Variants in MBTPS1 observed in about 807,000 individuals in gnomAD.
MBTPS1 encodes membrane bound transcription factor peptidase, site 1, also known as membrane-bound transcription factor site-1 protease.
A neutral mutation model predicts 127.8 loss-of-function variants in MBTPS1; 94 were observed. The observed-to-expected ratio is 0.74, with a 90% CI of 0.62 to 0.87. The LOEUF (loss-of-function observed/expected upper bound fraction) is 0.87. Among genes scored for constraint, MBTPS1 ranks in the 40% least tolerant of loss-of-function variants. The probability of loss-of-function intolerance (pLI) is 0.00; values close to 1 mark genes in which losing one functional copy is unlikely to be tolerated. For missense variants in MBTPS1, 1,636 were observed against 1,353.2 expected (o/e 1.21, Z -3.28); for synonymous variants, 632 against 509.4 (o/e 1.24, Z -3.24).
intron 4 of MBTPS1, among the ~76,000 whole-genome samples, chr16:84,094,278 G>A (rs1312296325): frequency 6.6e-6 from 1 of 152,056 alleles, no homozygotes; most frequent in Non-Finnish European, 1.5e-5. Context: ...AATGGGAAAA[G>A]GGGGAACCAT....
chr16:84,061,405 T>A (rs542564031), intron 19 of MBTPS1: 1 of 152,512 alleles, frequency 6.6e-6, no homozygotes, highest in African/African-American at 2.4e-5. Context: ...CACACTCAGC[T>A]CCTCATGGAT....
intron 15 of MBTPS1, among the ~76,000 whole-genome samples, 200 bp from the exon 16 acceptor site, chr16:84,068,023 A>G (rs1230871714): frequency 2.0e-5 from 3 of 152,250 alleles, no homozygotes; most frequent in Non-Finnish European, 4.4e-5. Flanking sequence ...CTGTGATCTG[A>G]TTTCACTTGT....
At chr16:84,111,433 C>T (rs1245515874) in intron 1 of MBTPS1, among the ~76,000 whole-genome samples, 6 of 151,826 alleles carry the variant, frequency 4.0e-5, no homozygotes, top group South Asian at 2.1e-4. Flanking sequence ...CCTAGCTACC[C>T]GGAAGGCTGA....
intron 1 of MBTPS1, among the ~76,000 whole-genome samples, chr16:84,113,300 T>A (rs962311483): frequency 1.3e-5 from 2 of 152,238 alleles, no homozygotes; most frequent in Non-Finnish European, 2.9e-5. Context: ...AAATTCTTTA[T>A]GCAGAAGACC....
At position 84,060,681 on chromosome 16, in the gene MBTPS1, C is replaced by A; in HGVS notation, c.2704+1G>T. 2.5e-6 allele frequency: 4 copies of A among 1,613,282 alleles called. No individual in the cohort carries two copies. Among genetic ancestry groups the A allele is most frequent in the Non-Finnish European group, 3.4e-6 (4 of 1,179,382 alleles). On this transcript the variant is annotated splice_donor_variant, in intron 20 of 22. Coordinates refer to ENST00000343411, the MANE Select transcript of MBTPS1 (RefSeq NM_003791.4). LOFTEE classifies it high-confidence loss of function. ...CCAAGGCATCCTGCCCATCCACTCA[C>A]CTTCCATCCTCTCTGGAGTGACTGA...
At chr16:84,058,932 A>G (rs1256102550) in intron 21 of MBTPS1, among the ~76,000 whole-genome samples, 1 of 152,096 alleles carries the variant, frequency 6.6e-6, no homozygotes, top group Non-Finnish European at 1.5e-5. Flanking sequence ...AGAAGAAGGG[A>G]ACTATCTGTA....
Position 84,067,759 on chromosome 16 carries a change from C to T in MBTPS1, c.2136G>A (p.Arg712=). 6.2e-7 allele frequency: 1 copy of T among 1,614,046 alleles called. No individual in the cohort carries two copies. The highest frequency in any genetic ancestry group is 8.5e-7 in the Non-Finnish European group (1 of 1,179,910). ...CGAGCGAGAGGCCGTTGTCCACGTC[C>T]CTCCGGAGCTTGGCGATCTCTTCAG... ...YFPEEIAKLR[R]DVDNGLSLVI... Residue 712 remains arginine (R), a synonymous_variant, in exon 16 of 23, where the codon AGG becomes AGA. Coordinates refer to ENST00000343411, the MANE Select transcript of MBTPS1 (RefSeq NM_003791.4).
intron 16 of MBTPS1, 55 bp from the exon 17 acceptor site, chr16:84,066,668 C>T (rs1232492300): frequency 5.8e-6 from 9 of 1,565,042 alleles, no homozygotes; most frequent in South Asian, 1.1e-5. Flanking sequence ...ACTCCATACA[C>T]AGTTATTTAG....
intron 12 of MBTPS1, 41 bp downstream of exon 12, chr16:84,074,556 T>C: frequency 6.2e-7 from 1 of 1,602,564 alleles, no homozygotes; most frequent in East Asian, 2.2e-5. Flanking sequence ...TGTGTCTAAG[T>C]TCACCATCAA....
chr16:84,079,497 A>C (rs1454607443), intron 11 of MBTPS1, among the ~76,000 whole-genome samples: 1 of 152,214 alleles, frequency 6.6e-6, no homozygotes, highest in Non-Finnish European at 1.5e-5. Context: ...AAAACACTAT[A>C]ACTGTATTCT....
chr16:84,059,532 A>G, intron 20 of MBTPS1, 104 bp from the exon 21 acceptor site: 1 of 1,077,906 alleles, frequency 9.3e-7, no homozygotes, highest in Non-Finnish European at 1.3e-6. Flanking sequence ...TTCCCACAAC[A>G]CAGCACAGAG....
chr16:84,070,180 T>G, intron 13 of MBTPS1, 142 bp from the exon 14 acceptor site: 1 of 717,278 alleles, frequency 1.4e-6, no homozygotes, highest in South Asian at 2.0e-5. Flanking sequence ...TGATGAAAGA[T>G]TCATGTATCA....
rs2085479882 is a variant in MBTPS1 at position 84,054,138 on chromosome 16, T to C, written c.*311A>G. On this transcript the variant is annotated 3_prime_UTR_variant, in exon 23 of 23. Coordinates refer to ENST00000343411, the MANE Select transcript of MBTPS1 (RefSeq NM_003791.4). ...TATCATTTGTTTGGAAAGTACATCCTTCCCCTGCAGTCAGAAGACCCCAGA... is the reference window on the plus strand; with the variant it reads ...TATCATTTGTTTGGAAAGTACATCCCTCCCCTGCAGTCAGAAGACCCCAGA... 3 of 242,040 alleles carry C rather than the reference T, an allele frequency of 1.2e-5. No homozygotes were observed. Among genetic ancestry groups the C allele is most frequent in the Non-Finnish European group, 2.4e-5 (3 of 125,422 alleles). 15.0% of individuals were successfully genotyped at this position (242,040 alleles called of 1,614,324 possible). A position where few individuals can be genotyped will look rare whatever the true frequency, so the allele number is the denominator to read the frequency against.
intron 2 of MBTPS1, among the ~76,000 whole-genome samples, chr16:84,100,537 T>G (rs974468219): frequency 1.3e-5 from 2 of 151,094 alleles, no homozygotes; most frequent in African/African-American, 4.9e-5. Flanking sequence ...AGAGTGAATC[T>G]CCATCTCAAA....
chr16:84,083,539 C>A (rs963425110), intron 10 of MBTPS1, among the ~76,000 whole-genome samples: 6 of 152,024 alleles, frequency 3.9e-5, no homozygotes, highest in Admixed American at 2.6e-4. Context: ...AATCCTCCTG[C>A]CTTGGCCTCC....
At chr16:84,111,517 G>A (rs867117144) in intron 1 of MBTPS1, among the ~76,000 whole-genome samples, 26 of 151,640 alleles carry the variant, frequency 1.7e-4, no homozygotes, top group African/African-American at 5.8e-4. Context: ...CTCCAGCCTG[G>A]GCAACAGAGA....
intron 2 of MBTPS1, among the ~76,000 whole-genome samples, 200 bp from the exon 3 acceptor site, chr16:84,099,510 G>A (rs1023886314): frequency 2.6e-5 from 4 of 152,190 alleles, no homozygotes; most frequent in African/African-American, 7.2e-5. Flanking sequence ...ATGGGGCTGG[G>A]CGCGGTGGCT....
chr16:84,081,662 T>G, intron 11 of MBTPS1, 85 bp downstream of exon 11: 1 of 1,095,316 alleles, frequency 9.1e-7, no homozygotes, highest in African/African-American at 1.6e-5. Context: ...TTTTCTGTTT[T>G]GAGGCTTGTA....
At chr16:84,103,279 G>T (rs2086282564) in intron 1 of MBTPS1, among the ~76,000 whole-genome samples, 2 of 149,238 alleles carry the variant, frequency 1.3e-5, no homozygotes, top group Admixed American at 6.7e-5. Context: ...TTTTGAGGAA[G>T]GGTCTCACTC....
Sources: gnomAD v4.1 joint callset for allele counts (sites outside exome capture counted in the v4.1 genomes callset) on GRCh38, gnomAD v4.1.1 for gene constraint, MANE v1.5 for transcripts, NCBI Gene and HGNC (gene_info 2026-07-23, HGNC 2026-07-21) for gene names.